The following PIK3C2G variants were observed in gnomAD, a reference collection of about 807,000 sequenced individuals.
PIK3C2G encodes the protein phosphatidylinositol-4-phosphate 3-kinase catalytic subunit type 2 gamma.
A neutral mutation model predicts 181.1 loss-of-function variants in PIK3C2G; 168 were observed. The observed-to-expected ratio is 0.93, with a 90% CI of 0.82 to 1.05. PIK3C2G has a LOEUF of 1.05. Among genes scored for constraint, PIK3C2G ranks in the 50% least tolerant of loss-of-function variants. PIK3C2G has a pLI of 0.00. For synonymous variants in PIK3C2G, 573 were observed against 592.2 expected, an observed-to-expected ratio of 0.97 and a Z score of 0.47; for missense variants, 1,869 against 1,732.8, an observed-to-expected ratio of 1.08 and a Z score of -1.40.
At chr12:18,389,722 T>G (rs779514111) in intron 14 of PIK3C2G, among the ~76,000 whole-genome samples, 30 of 152,168 alleles carry the variant, frequency 2.0e-4, no homozygotes, top group Non-Finnish European at 2.2e-4. Flanking sequence ...CAGTAGCTAT[T>G]TAGCCTCATA....
intron 1 of PIK3C2G, among the ~76,000 whole-genome samples, chr12:18,256,166 G>A (rs11835243): frequency 0.013 from 1,925 of 152,058 alleles, 46 homozygotes; most frequent in African/African-American, 0.044. Context: ...TTGGAGCTGC[G>A]CATATTTTGT....
rs530927648 is a variant in PIK3C2G at position 18,501,687 on chromosome 12, T to A, written c.3017-1594T>A. On this transcript the variant is annotated intron_variant, in intron 22 of 32. Coordinates refer to ENST00000538779, the MANE Select transcript of PIK3C2G (RefSeq NM_001288772.2). ...AAATGTAATTTATGATTTCAATTAA[T>A]GAGCAGAATTTAGCCACCATGATTA... is the stretch of plus-strand genomic sequence containing the variant. Among the ~76,000 whole-genome samples the A allele has an allele frequency of 2.0e-5, 3 of 152,376 alleles. No homozygotes were observed. The South Asian group carries it at 6.2e-4, about 32-fold the overall frequency.
At chr12:18,292,227 A>AAAATATATATAT in intron 4 of PIK3C2G, among the ~76,000 whole-genome samples, 29 of 48,714 alleles carry the variant, frequency 6.0e-4, no homozygotes, top group South Asian at 9.0e-4. Context: ...AAAAAAAAAA[A>AAAATATATATAT]ATATATATAT....
chr12:18,497,772 C>T, intron 22 of PIK3C2G, 24 bp downstream of exon 22: 1 of 1,540,268 alleles, frequency 6.5e-7, no homozygotes, highest in Non-Finnish European at 8.8e-7. Flanking sequence ...AGAAAGTGCG[C>T]TGGCTCACAT....
At chr12:18,581,446 T>G (rs1490680564) in intron 29 of PIK3C2G, among the ~76,000 whole-genome samples, 5 of 152,232 alleles carry the variant, frequency 3.3e-5, no homozygotes, top group Non-Finnish European at 7.3e-5. Flanking sequence ...GTTTATTTAT[T>G]TATTCACCAA....
At chr12:18,276,952 A>G (rs1379152613) in intron 1 of PIK3C2G, among the ~76,000 whole-genome samples, 1 of 152,210 alleles carries the variant, frequency 6.6e-6, no homozygotes, top group Non-Finnish European at 1.5e-5. Context: ...ATAGGTGAAT[A>G]AGAAAACATC....
rs768333517 is a variant in PIK3C2G, at chr12:18,282,190, A to T, written c.109A>T (p.Ser37Cys). 2 of 1,613,106 alleles carry T rather than the reference A, an allele frequency of 1.2e-6. No individual in the cohort carries two copies. Among genetic ancestry groups the T allele is most frequent in the South Asian group, 2.2e-5 (2 of 91,026 alleles). Reference sequence around the variant, plus strand: ...TCAACCCCATTCTTCTAGCCAAGTCAGTCTGGGTTTTGATCAGATAGTAGA... The same window carrying T: ...TCAACCCCATTCTTCTAGCCAAGTCTGTCTGGGTTTTGATCAGATAGTAGA... Reference protein sequence around the residue: ...VNQPHSSSQVSLGFDQIVDEI... With the variant: ...VNQPHSSSQVCLGFDQIVDEI... The change falls in exon 2 of 33, where the codon AGT becomes TGT. Residue 37 changes from serine (S) to cysteine (C), a missense_variant. Coordinates refer to ENST00000538779, the MANE Select transcript of PIK3C2G (RefSeq NM_001288772.2).
chr12:18,650,383 GTCTGTGTA>G (rs1354138540), downstream of PIK3C2G, among the ~76,000 whole-genome samples: 1 of 132,400 alleles, frequency 7.6e-6, no homozygotes, highest in East Asian at 2.2e-4. Context: ...GTGTCTGTGT[GTCTGTGTA>G]TACACACACA....
intron 31 of PIK3C2G, among the ~76,000 whole-genome samples, chr12:18,637,071 C>T (rs1591732625): frequency 6.6e-6 from 1 of 152,276 alleles, no homozygotes; most frequent in East Asian, 1.9e-4. Context: ...TATAAGCCCC[C>T]TACTCTGACT....
At chr12:18,512,568 A>G (rs552099730) in intron 24 of PIK3C2G, among the ~76,000 whole-genome samples, 65 of 151,936 alleles carry the variant, frequency 4.3e-4, no homozygotes, top group African/African-American at 1.5e-3. Flanking sequence ...TGCCCCCATA[A>G]ATGGGATTTT....
intron 18 of PIK3C2G, among the ~76,000 whole-genome samples, chr12:18,470,215 A>C (rs889279089): frequency 6.6e-6 from 1 of 152,138 alleles, no homozygotes; most frequent in African/African-American, 2.4e-5. Flanking sequence ...AGTTAAGATT[A>C]TAACTGATCT....
chr12:18,288,666 C>CT (rs1338611147), intron 3 of PIK3C2G, among the ~76,000 whole-genome samples: 4 of 152,140 alleles, frequency 2.6e-5, no homozygotes, highest in Non-Finnish European at 5.9e-5. Context: ...AAACTTGCTA[C>CT]TTTAAGTCTA....
intron 24 of PIK3C2G, among the ~76,000 whole-genome samples, chr12:18,514,269 G>A (rs1942388924): frequency 2.0e-5 from 3 of 151,808 alleles, no homozygotes. Context: ...CCTGGAGAAT[G>A]TTTCATGTGC....
intron 5 of PIK3C2G, among the ~76,000 whole-genome samples, chr12:18,304,721 T>C (rs559168312): frequency 6.6e-6 from 1 of 152,348 alleles, no homozygotes; most frequent in East Asian, 1.9e-4. Flanking sequence ...CTGCATTGTA[T>C]ATATTGCTGG....
the PIK3C2G span, among the ~76,000 whole-genome samples, chr12:18,712,269 T>C: frequency 6.6e-6 from 1 of 152,150 alleles, no homozygotes; most frequent in Non-Finnish European, 1.5e-5. Context: ...CTCCTTAACA[T>C]TGAGGGATTG....
intron 15 of PIK3C2G, among the ~76,000 whole-genome samples, chr12:18,399,037 T>C (rs2138116287): frequency 6.8e-6 from 1 of 147,434 alleles, no homozygotes; most frequent in African/African-American, 2.5e-5. Context: ...CTACTAAAAA[T>C]ACAAAAAATT....
intron 18 of PIK3C2G, among the ~76,000 whole-genome samples, chr12:18,434,614 C>T (rs1275268593): frequency 1.3e-5 from 2 of 152,138 alleles, no homozygotes; most frequent in Non-Finnish European, 2.9e-5. Flanking sequence ...ATAATGCCCC[C>T]ACCTAACTGC....
chr12:18,284,801 A>G (rs1438593713), intron 2 of PIK3C2G, among the ~76,000 whole-genome samples: 1 of 152,184 alleles, frequency 6.6e-6, no homozygotes, highest in East Asian at 1.9e-4. Context: ...ATAATTTGAA[A>G]GCAAAACTGT....
the PIK3C2G span, among the ~76,000 whole-genome samples, chr12:18,660,455 C>T: frequency 6.6e-6 from 1 of 152,066 alleles, no homozygotes; most frequent in Non-Finnish European, 1.5e-5. Context: ...GCCAGCGCCT[C>T]GGCACCTTTA....
Sources: gnomAD v4.1 joint callset for allele counts (sites outside exome capture counted in the v4.1 genomes callset) on GRCh38, gnomAD v4.1.1 for gene constraint, MANE v1.5 for transcripts, NCBI Gene and HGNC (gene_info 2026-07-23, HGNC 2026-07-21) for gene names.